The following LTA4H variants were observed in gnomAD, a reference collection of about 807,000 sequenced individuals.
LTA4H encodes leukotriene A4 hydrolase, also known as leukotriene A-4 hydrolase.
In LTA4H, 59 loss-of-function variants were observed where a neutral mutation model predicts 89.8. The observed-to-expected ratio is 0.66, with a 90% CI of 0.53 to 0.82. The LOEUF is 0.82. LTA4H is among the 40% of genes least tolerant of loss of function. The probability of loss-of-function intolerance (pLI) is 0.00; values close to 1 mark genes in which losing one functional copy is unlikely to be tolerated. For synonymous variants in LTA4H, 227 were observed against 253.1 expected, an observed-to-expected ratio of 0.90 and a Z score of 0.98; for missense variants, 617 against 727.0, an observed-to-expected ratio of 0.85 and a Z score of 1.74.
At chr12:96,032,068 G>A (rs1950580589) in intron 1 of LTA4H, among the ~76,000 whole-genome samples, 2 of 152,210 alleles carry the variant, frequency 1.3e-5, no homozygotes, top group South Asian at 4.1e-4. Flanking sequence ...GTTAACTGCT[G>A]GCTTCTGCCT....
In LTA4H at chr12:96,003,903, C is replaced by T. The variant is rs1950150479; in HGVS notation, c.1548G>A (p.Gly516=). 1 of 1,605,874 alleles carries T rather than the reference C, an allele frequency of 6.2e-7. No individual in the cohort carries two copies. Among genetic ancestry groups the T allele is most frequent in the Non-Finnish European group, 8.5e-7 (1 of 1,175,392 alleles). ...QTLQRAPLPL[G]HIKRMQEVYN... is the part of the protein sequence containing the mutation. ...ACACCTCTTGCATTCGCTTTATGTG[C>T]CCCAATGGAAGAGGTGCCTAAGAGC... is the stretch of plus-strand genomic sequence containing the variant. Residue 516 remains glycine, a synonymous_variant, in exon 17 of 19, where the codon GGG becomes GGA. Transcript: ENST00000228740.
chr12:96,009,797 A>T (rs1950269000), intron 14 of LTA4H: 2 of 152,294 alleles, frequency 1.3e-5, no homozygotes, highest in South Asian at 2.1e-4. Context: ...CTTGCAAAAC[A>T]TCCCTCTTTC....
At chr12:96,005,742 A>G (rs951762982) in intron 16 of LTA4H, among the ~76,000 whole-genome samples, 7 of 149,864 alleles carry the variant, frequency 4.7e-5, no homozygotes, top group Non-Finnish European at 1.0e-4. Context: ...TTTTATTGCT[A>G]ATGTTTTTAA....
chr12:96,018,045 A>G (rs1195403581), intron 8 of LTA4H, among the ~76,000 whole-genome samples: 1 of 152,154 alleles, frequency 6.6e-6, no homozygotes, highest in Non-Finnish European at 1.5e-5. Context: ...TAAACATAGC[A>G]GCGTTCTATG....
At chr12:96,002,829 C>A in intron 18 of LTA4H, 131 bp downstream of exon 18, 5 of 610,000 alleles carry the variant, frequency 8.2e-6, no homozygotes, top group South Asian at 2.3e-5. Flanking sequence ...AGTGTGAATC[C>A]CTATTCCAAA....
At chr12:96,013,091 T>G (rs1381656370) in intron 14 of LTA4H, 97 bp downstream of exon 14, 1 of 923,354 alleles carries the variant, frequency 1.1e-6, no homozygotes, top group African/African-American at 1.6e-5. Flanking sequence ...CATTTACTAG[T>G]AACAGTTTCA....
Position 96,035,394 on chromosome 12 carries a change from C to T in LTA4H, c.126G>A (p.Thr42=), listed in dbSNP as rs1950628634. 1 of 1,611,684 alleles carries T rather than the reference C, an allele frequency of 6.2e-7. No homozygotes were observed. Among genetic ancestry groups the T allele is most frequent in the Non-Finnish European group, 8.5e-7 (1 of 1,179,048 alleles). Residue 42 remains threonine (T), a synonymous_variant, in exon 1 of 19, where the codon ACG becomes ACA. Transcript: ENST00000228740. ...RRTLTGTAAL[T]VQSQEDNLRS... The stretch of plus-strand genomic sequence containing the variant: ...GCAGATTGTCCTCCTGAGACTGGAC[C>T]GTGAGAGCAGCAGTCCCGGTCAGCG...
intron 14 of LTA4H, chr12:96,011,357 C>T (rs1043304532): frequency 5.3e-5 from 8 of 152,164 alleles, no homozygotes; most frequent in Admixed American, 3.9e-4. Context: ...GACCACTCTC[C>T]GTACCACTTT....
chr12:96,040,709 C>T (rs192802849), intron 1 of LTA4H, among the ~76,000 whole-genome samples: 3 of 152,286 alleles, frequency 2.0e-5, no homozygotes, highest in Admixed American at 2.0e-4. Flanking sequence ...CTCTGGGGAT[C>T]ATGGAAACCC....
At position 96,041,418 on chromosome 12, in the gene LTA4H, G is replaced by A. The variant is rs149004555; in HGVS notation, c.87+1871C>T. ...TTAAACAGAATGGTTTCCTCCCTTT[G>A]CTCTGCCTGCTGATGTGGTCTAGCT... is the stretch of plus-strand genomic sequence containing the variant. On this transcript the variant is annotated intron_variant, in intron 1 of 17. Coordinates refer to the LTA4H transcript ENST00000413268. Among the ~76,000 whole-genome samples the A allele has an allele frequency of 8.0e-3, 1,215 of 152,182 alleles. 9 individuals are homozygous for A. Among genetic ancestry groups the A allele is most frequent in the Non-Finnish European group, 0.013 (898 of 67,992 alleles).
intron 14 of LTA4H, chr12:96,009,408 C>T (rs1950259866): frequency 6.4e-6 from 3 of 471,610 alleles, no homozygotes; most frequent in South Asian, 4.8e-5. Context: ...CAGCAAAAGA[C>T]TGTCATGTGC....
chr12:96,005,109 A>G (rs940302410), intron 16 of LTA4H, among the ~76,000 whole-genome samples: 1 of 152,132 alleles, frequency 6.6e-6, no homozygotes, highest in African/African-American at 2.4e-5. Context: ...AAATCCAGTC[A>G]TTGGTTTATC....
At chr12:96,017,206 A>T (rs939609074) in intron 9 of LTA4H, 92 bp from the exon 10 acceptor site, 3 of 908,446 alleles carry the variant, frequency 3.3e-6, no homozygotes, top group East Asian at 4.9e-5. Context: ...TTCAATTTTT[A>T]AAAAATATTA....
At chr12:96,041,897 T>C (rs898519980) in intron 1 of LTA4H, among the ~76,000 whole-genome samples, 21 of 151,896 alleles carry the variant, frequency 1.4e-4, no homozygotes, top group African/African-American at 4.1e-4. Context: ...CACCTCAGCC[T>C]CCCAAAGTGC....
Position 96,003,853 on chromosome 12 carries a change from G to C in LTA4H, c.1598C>G (p.Ser533Cys). The change falls in exon 17 of 19, where the codon TCT becomes TGT. Residue 533 changes from serine (S) to cysteine (C), a missense_variant. Transcript: ENST00000228740. ...EVYNFNAINN[S>C]EIRFRWLRLC... ...AATGATGTACCTGAATCGTATTTCA[G>C]AATTGTTAATGGCATTGAAGTTGTA... 1 of 1,608,730 alleles carries C rather than the reference G, an allele frequency of 6.2e-7. No individual in the cohort carries two copies. Among genetic ancestry groups the C allele is most frequent in the Non-Finnish European group, 8.5e-7 (1 of 1,177,060 alleles).
At chr12:96,011,851 T>C (rs1174948074) in intron 14 of LTA4H, 1 of 152,206 alleles carries the variant, frequency 6.6e-6, no homozygotes, top group African/African-American at 2.4e-5. Flanking sequence ...CAGGTCCTCA[T>C]AATCTCTAGC....
At chr12:96,032,004 G>T (rs1950579983) in intron 1 of LTA4H, among the ~76,000 whole-genome samples, 1 of 152,228 alleles carries the variant, frequency 6.6e-6, no homozygotes, top group Non-Finnish European at 1.5e-5. Context: ...TTGATTCCCA[G>T]TTGAGACATT....
intron 16 of LTA4H, among the ~76,000 whole-genome samples, chr12:96,004,179 G>C (rs548457987): frequency 1.1e-4 from 16 of 152,142 alleles, no homozygotes; most frequent in Non-Finnish European, 1.0e-4. Context: ...GCTCTTCTTA[G>C]ACTTTTTAGC....
upstream of LTA4H, among the ~76,000 whole-genome samples, chr12:96,035,981 A>T (rs955445701): frequency 2.6e-5 from 4 of 152,160 alleles, no homozygotes; most frequent in Middle Eastern, 3.2e-3. Flanking sequence ...CGGAGCAAAA[A>T]CGTAGAAAAG....
Sources: gnomAD v4.1 joint callset for allele counts (sites outside exome capture counted in the v4.1 genomes callset) on GRCh38, gnomAD v4.1.1 for gene constraint, MANE v1.5 for transcripts, NCBI Gene and HGNC (gene_info 2026-07-23, HGNC 2026-07-21) for gene names.